The following DOCK10 variants were observed in gnomAD, a reference collection of about 807,000 sequenced individuals.
DOCK10 encodes the protein dedicator of cytokinesis 10.
In DOCK10, 145 loss-of-function variants were observed where a neutral mutation model predicts 280.1. That is an observed-to-expected ratio of 0.52 (90% CI 0.45 to 0.59). The LOEUF (loss-of-function observed/expected upper bound fraction) is 0.59, where lower values mean the gene tolerates loss of function less well. Ranked by LOEUF, DOCK10 falls within the 20% of genes least tolerant of loss-of-function variation. The pLI, the probability that DOCK10 is intolerant of heterozygous loss-of-function variation, is 0.00. For missense variants in DOCK10, 2,368 were observed against 2,651.7 expected, an observed-to-expected ratio of 0.89 and a Z score of 2.35; for synonymous variants, 915 against 942.2, an observed-to-expected ratio of 0.97 and a Z score of 0.53.
At chr2:224,997,392 C>G (rs936719917) in intron 1 of DOCK10, among the ~76,000 whole-genome samples, 1 of 152,060 alleles carries the variant, frequency 6.6e-6, no homozygotes, top group Non-Finnish European at 1.5e-5. Flanking sequence ...CCACCATGCC[C>G]GGCTGATTTT....
chr2:224,798,648 T>C (rs1692756239), intron 41 of DOCK10, among the ~76,000 whole-genome samples: 1 of 151,836 alleles, frequency 6.6e-6, no homozygotes, highest in Non-Finnish European at 1.5e-5. Flanking sequence ...TTTTTTTTTT[T>C]TGAGACAAGG....
At position 224,797,036 on chromosome 2, in the gene DOCK10, G is replaced by A. The variant is rs1255940069; in HGVS notation, c.4755C>T (p.Ala1585=). Residue 1585 remains alanine (A), a synonymous_variant, in exon 43 of 56, where the codon GCC becomes GCT. Coordinates refer to ENST00000258390, the MANE Select transcript of DOCK10 (RefSeq NM_014689.3). The part of the protein sequence containing the change: ...RSRSTQTEAS[A]LLYFFMRKNF... ...TCTTCCTCATGAAAAAGTACAGAAG[G>A]GCTGAGGCTTCTGTCTGAGTTGACC... 6.2e-7 allele frequency: 1 copy of A among 1,613,332 alleles called. No individual in the cohort carries two copies. Among genetic ancestry groups the A allele is most frequent in the East Asian group, 2.2e-5 (1 of 44,866 alleles).
At chr2:224,903,286 C>T (rs538054570) in intron 3 of DOCK10, among the ~76,000 whole-genome samples, 1 of 152,160 alleles carries the variant, frequency 6.6e-6, no homozygotes, top group East Asian at 1.9e-4. Flanking sequence ...AAAAATACTA[C>T]TTGATATAAG....
At chr2:224,788,091 G>GT (rs1489864613) in intron 48 of DOCK10, among the ~76,000 whole-genome samples, 1 of 151,688 alleles carries the variant, frequency 6.6e-6, no homozygotes, top group Non-Finnish European at 1.5e-5. Flanking sequence ...ACACTTCCAT[G>GT]TAAAAAAAAA....
intron 3 of DOCK10, among the ~76,000 whole-genome samples, chr2:224,908,144 C>T (rs1700775155): frequency 6.7e-6 from 1 of 149,322 alleles, no homozygotes; most frequent in Non-Finnish European, 1.5e-5. Flanking sequence ...ATAAAGTTGG[C>T]TTCTGCCCTG....
chr2:224,947,689 C>A (rs367883566), intron 1 of DOCK10, among the ~76,000 whole-genome samples: 50 of 152,252 alleles, frequency 3.3e-4, no homozygotes, highest in African/African-American at 1.1e-3. Flanking sequence ...TTTAAAAGTG[C>A]AGTTCTCCCC....
intron 27 of DOCK10, among the ~76,000 whole-genome samples, chr2:224,827,657 T>C (rs186617047): frequency 2.6e-5 from 4 of 152,280 alleles, no homozygotes; most frequent in African/African-American, 9.6e-5. Context: ...AACAGTGAGG[T>C]TTCCTGACCC....
Position 224,849,269 on chromosome 2 carries a change from C to A in DOCK10, c.2235+238G>T, listed in dbSNP as rs548519272. Among the ~76,000 whole-genome samples the A allele has an allele frequency of 2.6e-3, 391 of 152,334 alleles. 1 individual carries two copies. Among genetic ancestry groups the A allele is most frequent in the African/African-American group, 7.4e-3 (307 of 41,572 alleles). On this transcript the variant is annotated intron_variant, in intron 19 of 55. Transcript: ENST00000258390. Reference sequence around the variant, plus strand: ...GATTACAGGCGTGAGCCACTATACCCGGCCAGCATTCCATTTTTTTTAAAA... The same window carrying A: ...GATTACAGGCGTGAGCCACTATACCAGGCCAGCATTCCATTTTTTTTAAAA...
chr2:224,876,636 T>C (rs574727868), intron 7 of DOCK10, among the ~76,000 whole-genome samples: 1 of 152,354 alleles, frequency 6.6e-6, no homozygotes, highest in East Asian at 1.9e-4. Context: ...ACAGGCCCTA[T>C]GTTGCCATAC....
rs1295352360 is a variant in DOCK10, at chr2:224,841,796, C to A, written c.2661+8G>T. 1.9e-6 allele frequency: 3 copies of A among 1,591,282 alleles called. No individual in the cohort carries two copies. Among genetic ancestry groups the A allele is most frequent in the African/African-American group, 1.3e-5 (1 of 74,494 alleles). ...GAGATCACTGAAACTGCTTGCATGT[C>A]ATGTTACCTTACAAGAGCGGATGAA... On this transcript the variant is annotated splice_region_variant and intron_variant, in intron 23 of 55. Transcript: ENST00000258390.
At chr2:224,790,120 C>A (rs527702102) in intron 47 of DOCK10, among the ~76,000 whole-genome samples, 1 of 152,264 alleles carries the variant, frequency 6.6e-6, no homozygotes, top group South Asian at 2.1e-4. Flanking sequence ...TATGTAGAAA[C>A]CTTTTCAAAT....
In DOCK10 at chr2:224,775,319, G is replaced by T. The variant is rs376387671; in HGVS notation, c.5803-204C>A. Among the ~76,000 whole-genome samples the T allele has an allele frequency of 2.0e-5, 3 of 152,320 alleles. No homozygotes were observed. The East Asian group carries it at 5.8e-4, about 29-fold the overall frequency. Reference sequence around the variant, plus strand: ...CAGCTGAGCAGCCAGGTCTGTAGGGGTGGAATTAGAGCCAGCATACCAAGT... The same window carrying T: ...CAGCTGAGCAGCCAGGTCTGTAGGGTTGGAATTAGAGCCAGCATACCAAGT... On this transcript the variant is annotated intron_variant, in intron 51 of 55. Coordinates refer to ENST00000258390, the MANE Select transcript of DOCK10 (RefSeq NM_014689.3).
intron 33 of DOCK10, chr2:224,807,341 T>C (rs1350299955): frequency 4.9e-6 from 1 of 206,156 alleles, no homozygotes; most frequent in African/African-American, 2.3e-5. Context: ...GGGGGGGATG[T>C]AGGGAATGTA....
chr2:224,852,452 C>T lies in DOCK10; in HGVS notation c.2077-10G>A, dbSNP rs750218585. 101 of 1,547,368 alleles carry T rather than the reference C, an allele frequency of 6.5e-5. No individual in the cohort carries two copies. The highest frequency in any genetic ancestry group is 6.4e-4 in the South Asian group (53 of 82,538). On this transcript the variant is annotated splice_polypyrimidine_tract_variant and intron_variant, in intron 17 of 55. Transcript: ENST00000258390. Reference sequence around the variant, plus strand: ...CAGTTATATTCCGTGCCTGAAATTACGGAGAGAAAAAATGGAAATTGTAAT... The same window carrying T: ...CAGTTATATTCCGTGCCTGAAATTATGGAGAGAAAAAATGGAAATTGTAAT...
intron 11 of DOCK10, among the ~76,000 whole-genome samples, chr2:224,871,597 C>A (rs186715663): frequency 9.3e-4 from 142 of 152,326 alleles, no homozygotes; most frequent in African/African-American, 3.4e-3. Context: ...TCTGTTTCTT[C>A]TACATCATCT....
At position 224,805,338 on chromosome 2, in the gene DOCK10, A is replaced by C; in HGVS notation, c.3937-18T>G. The C allele has an allele frequency of 1.2e-6, 2 of 1,612,774 alleles. No homozygotes were observed. The highest frequency in any genetic ancestry group is 1.7e-6 in the Non-Finnish European group (2 of 1,179,132). ...CTTGGGATCTGGGAATTCAAGAACC[A>C]ATCAGGATTGAGTGAGAGTGAGTGA... On this transcript the variant is annotated intron_variant, in intron 35 of 55. Transcript: ENST00000258390. This position sits in a 1 kb window ranked among gnomAD's most constrained non-coding sequence, Gnocchi z 4.3.
intron 1 of DOCK10, among the ~76,000 whole-genome samples, chr2:224,979,626 G>A (rs1172197764): frequency 6.6e-6 from 1 of 152,230 alleles, no homozygotes; most frequent in African/African-American, 2.4e-5. Flanking sequence ...GCCTTGGCGG[G>A]TCCTTCTGCA....
intron 52 of DOCK10, 145 bp downstream of exon 52, chr2:224,774,760 C>G: frequency 2.7e-6 from 2 of 752,514 alleles, no homozygotes; most frequent in South Asian, 3.6e-5. Flanking sequence ...ATGGAAATCT[C>G]TTCTTGGCAA....
At chr2:224,769,938 T>C (rs1327423807) in intron 55 of DOCK10, among the ~76,000 whole-genome samples, 1 of 152,172 alleles carries the variant, frequency 6.6e-6, no homozygotes, top group Non-Finnish European at 1.5e-5. Flanking sequence ...CCTCAGCATT[T>C]AATGGGACTC....
Sources: gnomAD v4.1 joint callset for allele counts (sites outside exome capture counted in the v4.1 genomes callset) on GRCh38, gnomAD v4.1.1 for gene constraint, Gnocchi (gnomAD v3.1) non-coding constraint, MANE v1.5 for transcripts, NCBI Gene and HGNC (gene_info 2026-07-23, HGNC 2026-07-21) for gene names.